SCN10A: variants seen among roughly 807,000 people sequenced by gnomAD.
The protein encoded by SCN10A is sodium channel protein type 10 subunit alpha.
Under a neutral mutation model 170.7 loss-of-function variants are expected in SCN10A, and 162 were observed. The ratio of observed to expected loss-of-function variants is 0.95; its 90% CI spans 0.84 to 1.08. The LOEUF is 1.08. SCN10A is among the 50% of genes least tolerant of loss of function. The pLI, the probability that SCN10A is intolerant of heterozygous loss-of-function variation, is 0.00. For synonymous variants in SCN10A, 985 were observed against 904.6 expected, an observed-to-expected ratio of 1.09 and a Z score of -1.59; for missense variants, 2,527 against 2,436.9, an observed-to-expected ratio of 1.04 and a Z score of -0.78.
chr3:38,748,315 G>GA (rs774726498), intron 13 of SCN10A, among the ~76,000 whole-genome samples: 2 of 152,254 alleles, frequency 1.3e-5, no homozygotes, highest in South Asian at 4.2e-4. Flanking sequence ...TTATCAATGA[G>GA]AAAAAATAAT....
At chr3:38,783,487 T>C (rs553641547) in intron 4 of SCN10A, among the ~76,000 whole-genome samples, 1 of 152,238 alleles carries the variant, frequency 6.6e-6, no homozygotes, top group African/African-American at 2.4e-5. Context: ...GCTTTTTTTG[T>C]TCAATATTAC....
At position 38,739,563 on chromosome 3, in the gene SCN10A, C is replaced by T; in HGVS notation, c.2232G>A (p.Leu744=). The change falls in exon 15 of 28, where the codon CTG becomes CTA. Residue 744 remains leucine (L), a synonymous_variant. Coordinates refer to ENST00000449082, the MANE Select transcript of SCN10A (RefSeq NM_006514.4). ...CIIVTVSLLE[L]GVAKKGSLSV... is the part of the protein sequence containing the mutation. ...ACAGGCTTCCCTTCTTGGCCACGCC[C>T]AGCTCTAGCAGACTCACAGTGACGA... is the stretch of plus-strand genomic sequence containing the variant. The T allele has an allele frequency of 1.2e-6, 2 of 1,614,194 alleles. No homozygotes were observed. The highest frequency in any genetic ancestry group is 1.1e-5 in the South Asian group (1 of 91,076).
intron 1 of SCN10A, among the ~76,000 whole-genome samples, chr3:38,813,136 G>C (rs750910339): frequency 2.0e-5 from 3 of 152,116 alleles, no homozygotes; most frequent in Non-Finnish European, 2.9e-5. Flanking sequence ...AGCTCTGTGA[G>C]CACCTTAAAA....
At chr3:38,728,233 A>AT (rs2063477536) in intron 16 of SCN10A, among the ~76,000 whole-genome samples, 1 of 152,124 alleles carries the variant, frequency 6.6e-6, no homozygotes, top group African/African-American at 2.4e-5. Flanking sequence ...TATTTTCTTG[A>AT]TTTTAAGGAA....
Position 38,707,354 on chromosome 3 carries a change from C to T in SCN10A, c.4311G>A (p.Glu1437=), listed in dbSNP as rs915072822. The T allele has an allele frequency of 1.2e-6, 2 of 1,614,024 alleles. No homozygotes were observed. Among genetic ancestry groups the T allele is most frequent in the Admixed American group, 1.7e-5 (1 of 60,006 alleles). ...TGGCATTGTAGTATTTCTTCTGCTC[C>T]TCTGTCATGAAGATGTCCTGGCCCC... ...KLGGQDIFMT[E]EQKKYYNAMK... Residue 1437 remains glutamate (E), a synonymous_variant, in exon 26 of 28, where the codon GAG becomes GAA. Coordinates refer to ENST00000449082, the MANE Select transcript of SCN10A (RefSeq NM_006514.4).
At chr3:38,789,361 T>C (rs1053978560) in intron 3 of SCN10A, among the ~76,000 whole-genome samples, 8 of 152,146 alleles carry the variant, frequency 5.3e-5, no homozygotes, top group Non-Finnish European at 1.0e-4. Context: ...TGAACTCTTA[T>C]CTGTTTGATA....
chr3:38,709,280 T>C (rs1454550725), intron 25 of SCN10A, among the ~76,000 whole-genome samples, 198 bp downstream of exon 25: 1 of 152,198 alleles, frequency 6.6e-6, no homozygotes, highest in African/African-American at 2.4e-5. Context: ...TGAGTGAGGA[T>C]GTTAGTGGGG....
chr3:38,810,226 C>T (rs749456665), intron 1 of SCN10A, among the ~76,000 whole-genome samples: 6 of 152,128 alleles, frequency 3.9e-5, no homozygotes, highest in Non-Finnish European at 8.8e-5. Flanking sequence ...AGAAAAAATA[C>T]GCAAATTATA....
intron 1 of SCN10A, among the ~76,000 whole-genome samples, 177 bp downstream of exon 1, chr3:38,815,860 T>A (rs1559474916): frequency 6.6e-6 from 1 of 152,220 alleles, no homozygotes; most frequent in African/African-American, 2.4e-5. Context: ...TCTATGCATA[T>A]AGATTAATAG....
chr3:38,735,075 C>A (rs1245732413), intron 15 of SCN10A, among the ~76,000 whole-genome samples: 3 of 147,814 alleles, frequency 2.0e-5, no homozygotes, highest in Admixed American at 1.4e-4. Flanking sequence ...GAGGCTGAGG[C>A]AGGAGAATGG....
At chr3:38,794,071 G>T (rs1362950639) in intron 1 of SCN10A, 29 bp from the exon 2 acceptor site, 6 of 1,515,286 alleles carry the variant, frequency 4.0e-6, no homozygotes, top group African/African-American at 2.7e-5. Context: ...ACCACAGAGA[G>T]GTGACAGCTT....
At chr3:38,755,683 T>C in intron 11 of SCN10A, 105 bp downstream of exon 11, 1 of 1,340,126 alleles carries the variant, frequency 7.5e-7, no homozygotes, top group South Asian at 1.3e-5. Flanking sequence ...TTAGGCTCTA[T>C]GCCTCCAGCT....
At chr3:38,764,029 G>C (rs1410754975) in intron 5 of SCN10A, among the ~76,000 whole-genome samples, 1 of 152,126 alleles carries the variant, frequency 6.6e-6, no homozygotes, top group Non-Finnish European at 1.5e-5. Context: ...CCCCCGAAGC[G>C]GTACTCTGTG....
chr3:38,708,804 A>G (rs2063238673), intron 25 of SCN10A, among the ~76,000 whole-genome samples: 1 of 152,208 alleles, frequency 6.6e-6, no homozygotes, highest in Non-Finnish European at 1.5e-5. Flanking sequence ...TTGAGTCAGG[A>G]ATGCAAACCC....
At chr3:38,713,350 CAG>C (rs2063296524) in intron 22 of SCN10A, among the ~76,000 whole-genome samples, 1 of 152,116 alleles carries the variant, frequency 6.6e-6, no homozygotes, top group Non-Finnish European at 1.5e-5. Flanking sequence ...CATGGAAAGA[CAG>C]AGAACTTGGG....
chr3:38,788,000 C>T (rs2064229091), intron 4 of SCN10A, among the ~76,000 whole-genome samples: 1 of 151,982 alleles, frequency 6.6e-6, no homozygotes, highest in Non-Finnish European at 1.5e-5. Flanking sequence ...ATGAACTCAT[C>T]CTTTTTTATG....
At chr3:38,702,443 A>T (rs137907619) in intron 26 of SCN10A, among the ~76,000 whole-genome samples, 29 of 152,318 alleles carry the variant, frequency 1.9e-4, no homozygotes, top group African/African-American at 7.0e-4. Flanking sequence ...AGCTCCACTT[A>T]CTGCATGGAG....
At chr3:38,797,945 A>AGTGAT (rs2064349882) in intron 1 of SCN10A, among the ~76,000 whole-genome samples, 1 of 152,180 alleles carries the variant, frequency 6.6e-6, no homozygotes, top group African/African-American at 2.4e-5. Context: ...GGGAATTTGT[A>AGTGAT]GTGATGTGAT....
rs201955990 is a variant in SCN10A, at chr3:38,760,726, C to T, written c.905G>A (p.Arg302Gln). Reference sequence around the variant, plus strand: ...ACACAGTAAGGGGTCAGAAGTGCCTCGCTTATTTATGTAGATATCTGCTGA... The same window carrying T: ...ACACAGTAAGGGGTCAGAAGTGCCTTGCTTATTTATGTAGATATCTGCTGA... ...HRKPDIYINK[R>Q]GTSDPLLCGN... is the part of the protein sequence containing the mutation. Residue 302 changes from arginine (R) to glutamine (Q), a missense_variant, in exon 8 of 28, where the codon CGA becomes CAA. Transcript: ENST00000449082. The T allele has an allele frequency of 4.0e-4, 641 of 1,613,904 alleles. No individual in the cohort carries two copies. Among genetic ancestry groups the T allele is most frequent in the Middle Eastern group, 4.9e-4 (3 of 6,062 alleles).
Sources: allele counts gnomAD v4.1 joint callset (sites outside exome capture counted in the v4.1 genomes callset), GRCh38; gene constraint gnomAD v4.1.1; transcripts MANE v1.5; gene names NCBI Gene and HGNC (gene_info 2026-07-23, HGNC 2026-07-21).